The following DOCK8 variants were observed in gnomAD, a reference collection of about 807,000 sequenced individuals.
DOCK8 encodes dedicator of cytokinesis 8.
In DOCK8, 141 loss-of-function variants were observed where a neutral mutation model predicts 245.6. That is an observed-to-expected ratio of 0.57 (90% confidence interval 0.50 to 0.66). DOCK8 has a LOEUF of 0.66. Ranked by LOEUF, DOCK8 falls within the 30% of genes least tolerant of loss-of-function variation. The pLI, the probability that DOCK8 is intolerant of heterozygous loss-of-function variation, is 0.00. For missense variants in DOCK8, 2,965 were observed against 2,603.4 expected (o/e 1.14, Z -3.02); for synonymous variants, 1,168 against 970.2 (o/e 1.20, Z -3.79).
At chr9:394,780 C>T (rs550468433) in intron 24 of DOCK8, among the ~76,000 whole-genome samples, 13 of 152,312 alleles carry the variant, frequency 8.5e-5, no homozygotes, top group African/African-American at 3.1e-4. Flanking sequence ...TTCTGTGCCT[C>T]GCCCCACTCA....
At chr9:215,417 G>A in intron 1 of DOCK8, 1 of 1,520,216 alleles carries the variant, frequency 6.6e-7, no homozygotes, top group Non-Finnish European at 8.8e-7. Flanking sequence ...TTCCTTTGAG[G>A]CAAGTCTGAG....
chr9:277,534 C>T (rs1435652157), intron 2 of DOCK8, among the ~76,000 whole-genome samples: 1 of 142,476 alleles, frequency 7.0e-6, no homozygotes, highest in Non-Finnish European at 1.5e-5. Context: ...TTAGGAGACC[C>T]TGTCTCAGAG....
At chr9:419,467 C>A (rs975424725) in intron 30 of DOCK8, among the ~76,000 whole-genome samples, 1 of 152,192 alleles carries the variant, frequency 6.6e-6, no homozygotes, top group African/African-American at 2.4e-5. Context: ...GGGAAAAACT[C>A]AAAAGCCCAA....
At chr9:366,764 C>T (rs1451034686) in intron 14 of DOCK8, among the ~76,000 whole-genome samples, 2 of 152,144 alleles carry the variant, frequency 1.3e-5, no homozygotes, top group Non-Finnish European at 2.9e-5. Context: ...CTCAACGCCC[C>T]CTACCTTCCC....
Position 464,351 on chromosome 9 carries a change from T to G in DOCK8, c.*132T>G, listed in dbSNP as rs1564099051. On this transcript the variant is annotated 3_prime_UTR_variant, in exon 48 of 48. Coordinates refer to ENST00000432829, the MANE Select transcript of DOCK8 (RefSeq NM_203447.4). Reference sequence around the variant, plus strand: ...CCTGATCAGCCAGCACTCTGGAAGCTTTGGGATCCCAGGAACCATGGAATT... The same window carrying G: ...CCTGATCAGCCAGCACTCTGGAAGCGTTGGGATCCCAGGAACCATGGAATT... 1 of 832,216 alleles carries G rather than the reference T, an allele frequency of 1.2e-6. No individual in the cohort carries two copies. The highest frequency in any genetic ancestry group is 2.1e-6 in the Non-Finnish European group (1 of 480,998). The allele number at this position is 832,216 out of a possible 1,614,324, so 51.6% of individuals were successfully genotyped here.
Position 317,138 on chromosome 9 carries a change from A to G in DOCK8, c.827+10A>G. The G allele has an allele frequency of 6.3e-7, 1 of 1,594,234 alleles. No individual in the cohort carries two copies. The highest frequency in any genetic ancestry group is 8.6e-7 in the Non-Finnish European group (1 of 1,161,890). ...AGTTGCTGACCTTGAAGTAAGTATCAACAAACACACTGCCACCGCTTTGAG... is the reference window on the plus strand; with the variant it reads ...AGTTGCTGACCTTGAAGTAAGTATCGACAAACACACTGCCACCGCTTTGAG... On this transcript the variant is annotated intron_variant, in intron 7 of 47. Coordinates refer to ENST00000432829, the MANE Select transcript of DOCK8 (RefSeq NM_203447.4).
At chr9:400,673 T>C in intron 26 of DOCK8, among the ~76,000 whole-genome samples, 1 of 44,246 alleles carries the variant, frequency 2.3e-5, no homozygotes, top group Non-Finnish European at 3.7e-5. Context: ...CACCAGCATC[T>C]TCACCATCAC....
In DOCK8 at chr9:422,022, C is replaced by A. The variant is rs749205550; in HGVS notation, c.4154-26C>A. The A allele has an allele frequency of 1.9e-6, 3 of 1,585,044 alleles. No homozygotes were observed. In the Middle Eastern group the frequency reaches 5.0e-4, roughly 264 times the overall value. On this transcript the variant is annotated intron_variant, in intron 32 of 47. Transcript: ENST00000432829. ...TGGAGGGTTTCATGCTAATCAAATT[C>A]CTATCATGCATTTCTTAACTCCTAG...
intron 7 of DOCK8, among the ~76,000 whole-genome samples, chr9:319,443 C>T (rs2050490880): frequency 6.6e-6 from 1 of 152,182 alleles, no homozygotes; most frequent in African/African-American, 2.4e-5. Flanking sequence ...AGTATCTATA[C>T]TAACCTATAA....
chr9:216,965 T>G (rs1359155020), intron 1 of DOCK8, among the ~76,000 whole-genome samples: 2 of 152,162 alleles, frequency 1.3e-5, no homozygotes, highest in Non-Finnish European at 1.5e-5. Context: ...ACATGTTACT[T>G]AACTTCTCTA....
chr9:227,156 G>A lies in DOCK8; in HGVS notation c.53+12127G>A, dbSNP rs541583363. ...GCATATTTTGCAAGTTTTCCTCAAAGGATGCTTTTGTAATTGGAAGAAGAA... is the reference window on the plus strand; with the variant it reads ...GCATATTTTGCAAGTTTTCCTCAAAAGATGCTTTTGTAATTGGAAGAAGAA... On this transcript the variant is annotated intron_variant, in intron 1 of 47. Coordinates refer to ENST00000432829, the MANE Select transcript of DOCK8 (RefSeq NM_203447.4). Among the ~76,000 whole-genome samples the A allele has an allele frequency of 8.5e-5, 13 of 152,218 alleles. No homozygotes were observed. The East Asian group carries it at 2.5e-3, about 29-fold the overall frequency.
chr9:314,992 C>T (rs1424746839), intron 6 of DOCK8, among the ~76,000 whole-genome samples: 1 of 152,148 alleles, frequency 6.6e-6, no homozygotes, highest in Non-Finnish European at 1.5e-5. Context: ...CTACAAAAGG[C>T]ATTCTATGTC....
chr9:214,712 C>T (rs376420186), upstream of DOCK8: 1 of 1,549,560 alleles, frequency 6.5e-7, no homozygotes, highest in Non-Finnish European at 8.7e-7. Flanking sequence ...TATCGGGAGG[C>T]CAGTTCCGCG....
At chr9:235,461 C>A (rs1262052904) in intron 1 of DOCK8, among the ~76,000 whole-genome samples, 1 of 152,212 alleles carries the variant, frequency 6.6e-6, no homozygotes, top group African/African-American at 2.4e-5. Context: ...GAGGTAACTG[C>A]TGTCTTTTTG....
chr9:276,168 G>A (rs2048339257), intron 2 of DOCK8, among the ~76,000 whole-genome samples: 2 of 152,102 alleles, frequency 1.3e-5, no homozygotes, highest in African/African-American at 4.8e-5. Context: ...TGGGATTACA[G>A]GCTTGAGCCA....
intron 5 of DOCK8, among the ~76,000 whole-genome samples, chr9:307,355 T>G (rs1469100991): frequency 4.9e-4 from 47 of 95,722 alleles, no homozygotes; most frequent in East Asian, 4.7e-3. Context: ...TTTTTTTTTT[T>G]TTTTTTTTTT....
chr9:400,746 T>TC (rs2054931915), intron 26 of DOCK8, among the ~76,000 whole-genome samples: 2 of 2,222 alleles, frequency 9.0e-4, no homozygotes, highest in Admixed American at 4.8e-3. Context: ...ACCACCAGCA[T>TC]CTTCACCATC....
chr9:430,971 A>G (rs1325547431), intron 36 of DOCK8, among the ~76,000 whole-genome samples: 3 of 152,028 alleles, frequency 2.0e-5, no homozygotes, highest in East Asian at 3.9e-4. Flanking sequence ...CTGGGCTCAA[A>G]TGATCCTCCT....
chr9:367,309 T>G (rs1233997983), intron 14 of DOCK8, among the ~76,000 whole-genome samples: 1 of 152,182 alleles, frequency 6.6e-6, no homozygotes, highest in Non-Finnish European at 1.5e-5. Context: ...CTAGGCACTG[T>G]TCTAGTGCTG....
Sources: gnomAD v4.1 joint callset for allele counts (sites outside exome capture counted in the v4.1 genomes callset) on GRCh38, gnomAD v4.1.1 for gene constraint, MANE v1.5 for transcripts, NCBI Gene and HGNC (gene_info 2026-07-23, HGNC 2026-07-21) for gene names.